MEF2A: variants seen among roughly 807,000 people sequenced by gnomAD.
The protein encoded by MEF2A is myocyte-specific enhancer factor 2A.
In MEF2A, 28 loss-of-function variants were observed where a neutral mutation model predicts 55.8. That is an observed-to-expected ratio of 0.50 (90% CI 0.37 to 0.69). The LOEUF is 0.69. Among genes scored for constraint, MEF2A ranks in the 30% least tolerant of loss-of-function variants. The probability of loss-of-function intolerance (pLI) is 0.00; values close to 1 mark genes in which losing one functional copy is unlikely to be tolerated. For missense variants in MEF2A, 528 were observed against 626.2 expected, an observed-to-expected ratio of 0.84 and a Z score of 1.67; for synonymous variants, 239 against 227.1, an observed-to-expected ratio of 1.05 and a Z score of -0.47.
At chr15:99,671,217 C>T in intron 4 of MEF2A, 106 bp from the exon 5 acceptor site, 2 of 1,242,072 alleles carry the variant, frequency 1.6e-6, no homozygotes, top group Non-Finnish European at 2.2e-6. Context: ...TTCAGTGGCT[C>T]TTGTATAATT....
intron 3 of MEF2A, among the ~76,000 whole-genome samples, chr15:99,639,730 C>G (rs1157538034): frequency 4.6e-5 from 7 of 152,158 alleles, no homozygotes; most frequent in Non-Finnish European, 8.8e-5. Flanking sequence ...GCCTTTCCTT[C>G]TTTCTGTCTT....
Position 99,602,698 on chromosome 15 carries a change from G to GTGTGTGTGTGTA in MEF2A, c.-143+4188_-143+4189insGTGTGTGTGTAT, listed in dbSNP as rs1199857211. ...TGTGTGTGTGTGTGTGTGTGTGTGT[G>GTGTGTGTGTGTA]TAGGGGTGGGGAGCTTTTTGTGTGT... On this transcript the variant is annotated intron_variant, in intron 2 of 11. Coordinates refer to ENST00000557942, the MANE Select transcript of MEF2A (RefSeq NM_001319206.4). Among the ~76,000 whole-genome samples, 4 of 89,518 alleles carry GTGTGTGTGTGTA rather than the reference G, an allele frequency of 4.5e-5. 1 individual carries two copies. Among genetic ancestry groups the GTGTGTGTGTGTA allele is most frequent in the African/African-American group, 2.0e-4 (4 of 20,100 alleles). 58.7% of individuals were successfully genotyped at this position (89,518 alleles called of 152,430 possible). A position where few individuals can be genotyped will look rare whatever the true frequency, so the allele number is the denominator to read the frequency against.
intron 1 of MEF2A, among the ~76,000 whole-genome samples, chr15:99,572,298 G>A (rs762615208): frequency 2.6e-5 from 4 of 151,972 alleles, no homozygotes; most frequent in Non-Finnish European, 4.4e-5. Context: ...TCCCTCCTTG[G>A]GATATTCTTC....
intron 2 of MEF2A, among the ~76,000 whole-genome samples, chr15:99,613,231 TTTA>T (rs1253733845): frequency 6.6e-6 from 1 of 152,236 alleles, no homozygotes; most frequent in Admixed American, 6.5e-5. Context: ...ATTTGCTGGT[TTTA>T]TTGTGGGGCT....
intron 4 of MEF2A, among the ~76,000 whole-genome samples, chr15:99,664,463 A>C (rs2049229608): frequency 6.6e-6 from 1 of 152,220 alleles, no homozygotes; most frequent in East Asian, 1.9e-4. Context: ...TTCATGTAGA[A>C]ATGAATTGAT....
chr15:99,587,219 C>T (rs771586855), intron 1 of MEF2A, among the ~76,000 whole-genome samples: 2 of 152,102 alleles, frequency 1.3e-5, no homozygotes, highest in Non-Finnish European at 2.9e-5. Flanking sequence ...TCCCCCACCC[C>T]ATGACAGGCC....
At position 99,671,457 on chromosome 15, in the gene MEF2A, A is replaced by G. The variant is rs1446957934; in HGVS notation, c.390+3A>G. 1 of 1,613,910 alleles carries G rather than the reference A, an allele frequency of 6.2e-7. No individual in the cohort carries two copies. Among genetic ancestry groups the G allele is most frequent in the South Asian group, 1.1e-5 (1 of 91,082 alleles). On this transcript the variant is annotated splice_donor_region_variant and intron_variant, in intron 5 of 11. Coordinates refer to ENST00000557942, the MANE Select transcript of MEF2A (RefSeq NM_001319206.4). Reference sequence around the variant, plus strand: ...ATTTTATTTTCAAACGAGGCCCTGTAAGTACTTTTACTTTACCTCTACTTT... The same window carrying G: ...ATTTTATTTTCAAACGAGGCCCTGTGAGTACTTTTACTTTACCTCTACTTT...
At position 99,710,546 on chromosome 15, in the gene MEF2A, A is replaced by G. The variant is rs1008071190; in HGVS notation, c.1010-88A>G. On this transcript the variant is annotated intron_variant, in intron 10 of 11. Transcript: ENST00000557942. ...GCATGAGCCAGCATGGCTGGCCTCA[A>G]TGTAGGAACTTTTGCAGTAGCTACG... 1.6e-5 allele frequency: 25 copies of G among 1,529,800 alleles called. 1 individual carries two copies. The African/African-American group carries it at 2.2e-4, about 13-fold the overall frequency. The allele number at this position is 1,529,800 out of a possible 1,614,324, so 94.8% of individuals were successfully genotyped here.
Position 99,584,009 on chromosome 15 carries a change from C to G in MEF2A, c.-224-14421C>G, listed in dbSNP as rs955179041. 3.3e-5 allele frequency among the ~76,000 whole-genome samples: 5 copies of G among 152,250 alleles called. No individual in the cohort carries two copies. In the East Asian group the frequency reaches 9.6e-4, roughly 29 times the overall value. ...AGCCTATTGCTCCTAGTCTACAAAC[C>G]TTTACAGCATGTTACTCTGCTGAAT... On this transcript the variant is annotated intron_variant, in intron 1 of 11. Transcript: ENST00000557942.
chr15:99,594,459 CTTTTTT>C (rs67846200), intron 1 of MEF2A, among the ~76,000 whole-genome samples: 22 of 124,362 alleles, frequency 1.8e-4, no homozygotes, highest in Admixed American at 4.6e-4. Context: ...TCCTTTCTTT[CTTTTTT>C]TTTTTTTTTT....
At chr15:99,634,689 G>A (rs929306496) in intron 3 of MEF2A, among the ~76,000 whole-genome samples, 2 of 152,150 alleles carry the variant, frequency 1.3e-5, no homozygotes, top group Non-Finnish European at 2.9e-5. Flanking sequence ...GTAGGTGACG[G>A]TAATGGAACT....
At chr15:99,645,902 AAG>A in intron 4 of MEF2A, 138 bp downstream of exon 4, 2 of 607,726 alleles carry the variant, frequency 3.3e-6, no homozygotes, top group South Asian at 5.5e-5. Flanking sequence ...CATTTCTTAG[AAG>A]AGTGATTGCT....
chr15:99,648,877 G>A (rs1275115754), intron 4 of MEF2A, among the ~76,000 whole-genome samples: 3 of 152,158 alleles, frequency 2.0e-5, no homozygotes, highest in African/African-American at 4.8e-5. Flanking sequence ...TGCGGAGTTA[G>A]ATATAGTGTG....
At chr15:99,578,240 T>C (rs1204069294) in intron 1 of MEF2A, among the ~76,000 whole-genome samples, 1 of 152,250 alleles carries the variant, frequency 6.6e-6, no homozygotes, top group East Asian at 1.9e-4. Context: ...AGTGAAGAAG[T>C]GTCCCTTCTC....
At position 99,622,848 on chromosome 15, in the gene MEF2A, G is replaced by A. The variant is rs142595808; in HGVS notation, c.-142-10130G>A. 7.2e-3 allele frequency among the ~76,000 whole-genome samples: 1,087 copies of A among 151,902 alleles called. 11 individuals carry two copies. The highest frequency in any genetic ancestry group is 0.025 in the African/African-American group (1,024 of 41,438). ...CTCCCTAGTAGCTGGGACTACAGGC[G>A]CCGCCACCATGCCCGGCTAATTTTT... On this transcript the variant is annotated intron_variant, in intron 2 of 11. Coordinates refer to ENST00000557942, the MANE Select transcript of MEF2A (RefSeq NM_001319206.4).
At chr15:99,687,316 A>G (rs1012943860) in intron 7 of MEF2A, among the ~76,000 whole-genome samples, 1 of 151,982 alleles carries the variant, frequency 6.6e-6, no homozygotes, top group Non-Finnish European at 1.5e-5. Context: ...CACACAGCAG[A>G]CACTCAGTTT....
intron 9 of MEF2A, among the ~76,000 whole-genome samples, chr15:99,705,623 T>G (rs1019900251): frequency 2.4e-4 from 36 of 152,172 alleles, no homozygotes; most frequent in African/African-American, 7.0e-4. Flanking sequence ...TAAAAAGAAA[T>G]AAACTGAGAT....
chr15:99,646,429 G>A (rs1003339045), intron 4 of MEF2A, among the ~76,000 whole-genome samples: 4 of 152,008 alleles, frequency 2.6e-5, no homozygotes, highest in South Asian at 2.1e-4. Flanking sequence ...TTTTCCATGT[G>A]TATTTCTAAT....
At chr15:99,621,961 A>G (rs555741492) in intron 2 of MEF2A, among the ~76,000 whole-genome samples, 7 of 152,266 alleles carry the variant, frequency 4.6e-5, no homozygotes, top group Middle Eastern at 3.4e-3. Context: ...TTTAAAAAGT[A>G]AAGTTTACCC....
Sources: allele counts gnomAD v4.1 joint callset (sites outside exome capture counted in the v4.1 genomes callset), GRCh38; gene constraint gnomAD v4.1.1; transcripts MANE v1.5; gene names NCBI Gene and HGNC (gene_info 2026-07-23, HGNC 2026-07-21).